The following RPGR variants were observed in gnomAD, a reference collection of about 807,000 sequenced individuals.
RPGR encodes the protein X-linked retinitis pigmentosa GTPase regulator.
Under a neutral mutation model 56.3 loss-of-function variants are expected in RPGR, and 10 were observed. That is an observed-to-expected ratio of 0.18 (90% confidence interval 0.11 to 0.30). The LOEUF is 0.30. Ranked by LOEUF, RPGR falls within the 10% of genes least tolerant of loss-of-function variation. RPGR has a pLI of 1.00. For missense variants in RPGR, 538 were observed against 590.9 expected (o/e 0.91, Z 0.93); for synonymous variants, 197 against 212.9 (o/e 0.93, Z 0.65).
At chrX:38,300,777 C>T (rs1204739211) in intron 9 of RPGR, among the ~76,000 whole-genome samples, 3 of 111,815 alleles carry the variant, frequency 2.7e-5, no homozygotes, top group East Asian at 2.8e-4. Flanking sequence ...TCAGGTGATC[C>T]GCCCGCCTTG....
chrX:38,289,019 T>G (rs2067240808), intron 13 of RPGR, among the ~76,000 whole-genome samples: 1 of 111,098 alleles, frequency 9.0e-6, no homozygotes, highest in Non-Finnish European at 1.9e-5. Context: ...TGACCTCAAG[T>G]GATCTGCCCA....
At chrX:38,302,754 T>G (rs2067523872) in intron 8 of RPGR, 1 of 110,060 alleles carries the variant, frequency 9.1e-6, no homozygotes, top group South Asian at 3.9e-4. Flanking sequence ...GTAGATTCCC[T>G]GTAAATATGT....
At chrX:38,280,693 CT>C (rs2067014151) in intron 15 of RPGR, among the ~76,000 whole-genome samples, 1 of 111,002 alleles carries the variant, frequency 9.0e-6, no homozygotes, top group African/African-American at 3.3e-5. Flanking sequence ...ACCACCATGC[CT>C]AACTAATCTT....
chrX:38,300,101 C>T (rs777885311), intron 9 of RPGR, among the ~76,000 whole-genome samples: 14 of 111,258 alleles, frequency 1.3e-4, no homozygotes, highest in Admixed American at 4.8e-4. Context: ...AGGCACCTGC[C>T]ACCACGCCCA....
At chrX:38,297,252 AT>A in intron 11 of RPGR, 31 bp downstream of exon 11, 2 of 1,193,760 alleles carry the variant, frequency 1.7e-6, no homozygotes, top group Admixed American at 4.4e-5. Flanking sequence ...AGGCACATTT[AT>A]CCTGAGAGCA....
intron 15 of RPGR, chrX:38,285,166 G>A (rs772173620): frequency 1.3e-6 from 1 of 798,404 alleles, no homozygotes; most frequent in South Asian, 5.3e-5. Context: ...TAGCCCTTAA[G>A]CATCTGTGCC....
chrX:38,318,294 G>A (rs1352965893), intron 5 of RPGR, among the ~76,000 whole-genome samples: 1 of 109,780 alleles, frequency 9.1e-6, no homozygotes, highest in Non-Finnish European at 1.9e-5. Flanking sequence ...AACACCGGAT[G>A]TTACACAGTC....
chrX:38,298,989 C>A lies in RPGR; in HGVS notation c.1212G>T (p.Arg404Ser). 8.3e-7 allele frequency: 1 copy of A among 1,211,708 alleles called. No individual in the cohort carries two copies. Among genetic ancestry groups the A allele is most frequent in the Non-Finnish European group, 1.1e-6 (1 of 895,518 alleles). ...TTCGCCGCATACGTGCTGATAGAGT[C>A]CTCTGCAGTACATTTCCTGAGGTTA... Residue 404 changes from arginine (R) to serine (S), a missense_variant, in exon 10 of 19, where the codon AGG (arginine) becomes AGT (serine). By Grantham distance (110) the Arg-to-Ser change is moderately radical. This residue lies in a region of RPGR where 357 missense variants were observed against 325.8 expected (regional missense o/e 1.10). Transcript: ENST00000642395.
chrX:38,310,604 T>C lies in RPGR; in HGVS notation c.778+11A>G, dbSNP rs757902808. The C allele has an allele frequency of 9.9e-6, 12 of 1,210,618 alleles. No homozygotes were observed. Among genetic ancestry groups the C allele is most frequent in the Non-Finnish European group, 1.2e-5 (11 of 894,627 alleles). On this transcript the variant is annotated intron_variant, in intron 7 of 18. Transcript: ENST00000642395. The stretch of plus-strand genomic sequence containing the variant: ...GAACGCAGGGAACAGAACAGTGGAC[T>C]CCACACATACCCGTGAGAACCACAG...
chrX:38,318,431 C>T (rs1489075924), intron 5 of RPGR, among the ~76,000 whole-genome samples: 2 of 110,506 alleles, frequency 1.8e-5, no homozygotes, highest in African/African-American at 6.6e-5. Flanking sequence ...ATGACCGTTG[C>T]AAACCACATT....
Position 38,269,979 on chromosome X carries a change from G to A in RPGR, c.2242-147C>T, listed in dbSNP as rs1240436613. 1.3e-5 allele frequency: 6 copies of A among 466,135 alleles called. No individual in the cohort carries two copies. The African/African-American group carries it at 1.5e-4, about 11-fold the overall frequency. 38.4% of individuals were successfully genotyped at this position (466,135 alleles called of 1,213,427 possible). ...CCACATGTACTATGGTGCATTCTTA[G>A]CATCTGTTAGAGTTTTTCCTTTCAC... On this transcript the variant is annotated intron_variant, in intron 18 of 18. Transcript: ENST00000642395.
At chrX:38,291,582 G>C (rs2067280072) in intron 11 of RPGR, 98 bp from the exon 12 acceptor site, 2 of 489,163 alleles carry the variant, frequency 4.1e-6, no homozygotes, top group Non-Finnish European at 7.1e-6. Flanking sequence ...ATAAAGTGTA[G>C]GTATAATTTT....
intron 13 of RPGR, among the ~76,000 whole-genome samples, chrX:38,290,227 C>T (rs1004926290): frequency 8.9e-6 from 1 of 111,834 alleles, no homozygotes; most frequent in African/African-American, 3.2e-5. Flanking sequence ...TAGACTTCTT[C>T]CCTCAACTTA....
chrX:38,296,587 TAAC>T (rs1291591666), intron 11 of RPGR, among the ~76,000 whole-genome samples: 3 of 111,699 alleles, frequency 2.7e-5, no homozygotes, highest in African/African-American at 6.5e-5. Flanking sequence ...ATATTAATCA[TAAC>T]AACATTTACT....
At chrX:38,293,915 G>A (rs1442671600) in intron 11 of RPGR, among the ~76,000 whole-genome samples, 1 of 111,077 alleles carries the variant, frequency 9.0e-6, no homozygotes, top group Non-Finnish European at 1.9e-5. Context: ...CCATATAAAT[G>A]TGCTCCAATA....
chrX:38,297,421 C>G lies in RPGR; in HGVS notation c.1277G>C (p.Arg426Thr). 1 of 1,208,939 alleles carries G rather than the reference C, an allele frequency of 8.3e-7. No individual in the cohort carries two copies. Among genetic ancestry groups the G allele is most frequent in the Non-Finnish European group, 1.1e-6 (1 of 893,935 alleles). Residue 426 changes from arginine to threonine, a missense_variant, in exon 11 of 19, where the codon AGA (arginine) becomes ACA (threonine). By Grantham distance (71) the Arg-to-Thr change is moderately conservative. Transcript: ENST00000642395. ...AGTCCCTTCTATTGGAGGTAGTGTTCTCCTCATTGAAAAAGAATCTGGAGA... is the reference window on the plus strand; with the variant it reads ...AGTCCCTTCTATTGGAGGTAGTGTTGTCCTCATTGAAAAAGAATCTGGAGA...
chrX:38,323,081 T>G (rs751101414), intron 2 of RPGR, 136 bp from the exon 3 acceptor site: 38 of 546,339 alleles, frequency 7.0e-5, no homozygotes, highest in Non-Finnish European at 9.1e-5. Flanking sequence ...ACCTTGTTCA[T>G]CTATGTATAA....
rs62653033 is a variant in RPGR at position 38,288,032 on chromosome X, TTTG to T, written c.1579_1581del (p.Gln527del). 0.023 allele frequency: 27,538 copies of T among 1,206,736 alleles called. 280 individuals are homozygous for T. Among genetic ancestry groups the T allele is most frequent in the Middle Eastern group, 0.039 (169 of 4,328 alleles). On this transcript the variant is annotated inframe_deletion, in exon 14 of 19. Transcript: ENST00000642395. ...GTATCCTGCGTCAGTTCCCCAATTG[TTTG>T]TTGTTTCTGTAAATTTTTTGAAGTA... is the stretch of plus-strand genomic sequence containing the variant.
At chrX:38,318,025 C>G (rs1381640335) in intron 5 of RPGR, 1 of 111,017 alleles carries the variant, frequency 9.0e-6, no homozygotes, top group Non-Finnish European at 1.9e-5. Context: ...TACAGCATCT[C>G]AAAAATAGGT....
Sources: allele counts gnomAD v4.1 joint callset (sites outside exome capture counted in the v4.1 genomes callset), GRCh38; gene constraint gnomAD v4.1.1; regional missense constraint gnomAD v4.1.1; transcripts MANE v1.5; gene names NCBI Gene and HGNC (gene_info 2026-07-23, HGNC 2026-07-21).